Variants in ATCAY observed in about 807,000 individuals in gnomAD.
ATCAY encodes ATCAY kinesin light chain interacting caytaxin.
ATCAY carries 22 observed loss-of-function variants against 47.7 expected under a neutral mutation model. The observed-to-expected ratio is 0.46, with a 90% CI of 0.33 to 0.66. The LOEUF is 0.66. ATCAY is among the 30% of genes least tolerant of loss of function. The pLI, the probability that ATCAY is intolerant of heterozygous loss-of-function variation, is 0.02. For synonymous variants in ATCAY, 216 were observed against 207.6 expected (o/e 1.04, Z -0.35); for missense variants, 452 against 515.0 (o/e 0.88, Z 1.18).
At chr19:3,917,610 A>AAAAAAAG (rs368009492) in intron 9 of ATCAY, 132 bp from the exon 10 acceptor site, 8 of 501,988 alleles carry the variant, frequency 1.6e-5, no homozygotes, top group East Asian at 4.6e-5. Flanking sequence ...AAAAAAAAAA[A>AAAAAAAG]GGAAGAAGAA....
rs114202891 is a variant in ATCAY, at chr19:3,922,336, G to A, written c.1106+1538G>A. On this transcript the variant is annotated intron_variant, in intron 12 of 12. Coordinates refer to ENST00000450849, the MANE Select transcript of ATCAY (RefSeq NM_033064.5). ...AGTTCTGCATGGCTGGGGAGGCCCC[G>A]GGAAATTTATAATCCTGGCGGAAGC... 4.6e-3 allele frequency: 2,933 copies of A among 632,990 alleles called. 60 individuals are homozygous for A. Among genetic ancestry groups the A allele is most frequent in the African/African-American group, 0.045 (2,496 of 54,960 alleles). The allele number at this position is 632,990 out of a possible 1,614,324, so 39.2% of individuals were successfully genotyped here.
At chr19:3,892,035 G>A (rs1191596130) in intron 2 of ATCAY, among the ~76,000 whole-genome samples, 3 of 151,496 alleles carry the variant, frequency 2.0e-5, no homozygotes, top group Middle Eastern at 3.2e-3. Context: ...GTTTACAGGC[G>A]CCCACCACCA....
chr19:3,924,154 G>A (rs573804636), intron 12 of ATCAY, among the ~76,000 whole-genome samples: 24 of 151,304 alleles, frequency 1.6e-4, no homozygotes, highest in African/African-American at 4.1e-4. Context: ...GTGGATGGAC[G>A]GATGAGTGAG....
rs1195013984 is a variant in ATCAY at position 3,927,691 on chromosome 19, C to T, written c.*3099C>T. 1 of 152,330 alleles carries T rather than the reference C, an allele frequency of 6.6e-6. No homozygotes were observed. Among genetic ancestry groups the T allele is most frequent in the East Asian group, 1.9e-4 (1 of 5,196 alleles). The allele number at this position is 152,330 out of a possible 1,614,324, so 9.4% of individuals were successfully genotyped here. ...CTCAGCCCCAGCGGACCCTCCAGAG[C>T]AAAAGAGGCCCCCGGCGAGGCCACC... On this transcript the variant is annotated 3_prime_UTR_variant, in exon 13 of 13. Transcript: ENST00000450849.
chr19:3,897,553 C>T (rs2038780491), intron 2 of ATCAY, among the ~76,000 whole-genome samples: 1 of 151,866 alleles, frequency 6.6e-6, no homozygotes, highest in South Asian at 2.1e-4. Context: ...CCTCAGCCTC[C>T]CAAAGTGCTG....
chr19:3,894,377 G>T (rs904041082), intron 2 of ATCAY, among the ~76,000 whole-genome samples: 6 of 151,250 alleles, frequency 4.0e-5, no homozygotes, highest in Non-Finnish European at 7.4e-5. Flanking sequence ...CCAGCTACTC[G>T]GGAGGCTGAG....
chr19:3,898,950 G>A (rs1050360252), intron 2 of ATCAY, among the ~76,000 whole-genome samples: 4 of 152,202 alleles, frequency 2.6e-5, no homozygotes, highest in African/African-American at 9.6e-5. Flanking sequence ...AAAGTGCCAG[G>A]ATGACAGGCG....
intron 2 of ATCAY, among the ~76,000 whole-genome samples, chr19:3,886,175 G>A (rs780243199): frequency 2.0e-5 from 3 of 152,204 alleles, no homozygotes; most frequent in African/African-American, 7.2e-5. Flanking sequence ...CTGGCTGGGC[G>A]CGGCGGTTCA....
At chr19:3,891,186 G>A (rs182119336) in intron 2 of ATCAY, among the ~76,000 whole-genome samples, 1,635 of 152,000 alleles carry the variant, frequency 0.011, 100 homozygotes, top group Admixed American at 0.098. Flanking sequence ...CAAGTAGCTG[G>A]GATTACAGGT....
At chr19:3,921,383 G>A (rs1325923807) in intron 12 of ATCAY, among the ~76,000 whole-genome samples, 3 of 150,930 alleles carry the variant, frequency 2.0e-5, no homozygotes, top group African/African-American at 4.9e-5. Flanking sequence ...AGCCAAGATC[G>A]TACCACTGCA....
intron 3 of ATCAY, among the ~76,000 whole-genome samples, chr19:3,903,879 C>T (rs914439297): frequency 2.0e-5 from 3 of 150,588 alleles, no homozygotes; most frequent in African/African-American, 7.3e-5. Context: ...TGGCTCACGC[C>T]TGTAATCCCA....
At chr19:3,906,396 G>A (rs1488130161) in intron 4 of ATCAY, among the ~76,000 whole-genome samples, 1 of 148,746 alleles carries the variant, frequency 6.7e-6, no homozygotes, top group Admixed American at 6.8e-5. Context: ...TCCACCTCCC[G>A]GGTTCAAGCG....
In ATCAY at chr19:3,908,342, T is replaced by C. The variant is rs2038884804; in HGVS notation, c.619T>C (p.Tyr207His). The stretch of plus-strand genomic sequence containing the variant: ...CCTTCCAGACAGCAGCCTCCCCGAC[T>C]ACCACTACATCATGGAGAACCTCTT... ...CFLPDSSLPD[Y>H]HYIMENLFLY... Residue 207 changes from tyrosine (Y) to histidine (H), a missense_variant, in exon 6 of 13, where the codon TAC becomes CAC. Physicochemically the swap from Tyr to His is moderately conservative, Grantham distance 83. Coordinates refer to ENST00000450849, the MANE Select transcript of ATCAY (RefSeq NM_033064.5). The C allele has an allele frequency of 3.1e-6, 5 of 1,593,370 alleles. No homozygotes were observed. The South Asian group carries it at 4.6e-5, about 15-fold the overall frequency.
intron 2 of ATCAY, among the ~76,000 whole-genome samples, chr19:3,901,725 G>A (rs1470021901): frequency 2.0e-5 from 3 of 152,114 alleles, no homozygotes; most frequent in East Asian, 1.9e-4. Context: ...GGGCGGGCGC[G>A]GTGGCTCATG....
chr19:3,907,605 GT>G lies in ATCAY; in HGVS notation c.359-128del. 8.8e-7 allele frequency: 1 copy of G among 1,135,822 alleles called. No homozygotes were observed. The highest frequency in any genetic ancestry group is 1.3e-6 in the Non-Finnish European group (1 of 796,768). 70.4% of individuals were successfully genotyped at this position (1,135,822 alleles called of 1,614,324 possible). Reference sequence around the variant, plus strand: ...GAAAATGGGTCAGCAGGGCAGCCAGGTGGGGAGAAGCGAAGGACTTGTGGGT... The same window carrying G: ...GAAAATGGGTCAGCAGGGCAGCCAGGGGGGAGAAGCGAAGGACTTGTGGGT... On this transcript the variant is annotated intron_variant, in intron 4 of 12. Transcript: ENST00000450849. This position sits in a 1 kb window ranked among gnomAD's most constrained non-coding sequence, Gnocchi z 5.1.
At chr19:3,909,702 C>T in intron 7 of ATCAY, 85 bp downstream of exon 7, 1 of 1,522,552 alleles carries the variant, frequency 6.6e-7, no homozygotes, top group Non-Finnish European at 8.8e-7. Context: ...CCTGGAATCC[C>T]AGCACTTCGG....
chr19:3,923,389 G>A (rs1290708672), intron 12 of ATCAY, among the ~76,000 whole-genome samples: 1 of 152,110 alleles, frequency 6.6e-6, no homozygotes, highest in Non-Finnish European at 1.5e-5. Flanking sequence ...ACAAAAGAAG[G>A]AATTGTAAGA....
chr19:3,908,721 C>T, intron 6 of ATCAY, among the ~76,000 whole-genome samples: 1 of 114,264 alleles, frequency 8.8e-6, no homozygotes, highest in South Asian at 3.8e-4. Context: ...TTCTCCTCCT[C>T]CTCCCCTTCC....
In ATCAY at chr19:3,922,640, A is replaced by G. The variant is rs148277245; in HGVS notation, c.1106+1842A>G. 4.1e-3 allele frequency among the ~76,000 whole-genome samples: 620 copies of G among 152,370 alleles called. 2 individuals carry two copies. The highest frequency in any genetic ancestry group is 0.014 in the African/African-American group (584 of 41,594). ...TAGACACTCCAGCCAGGATGCTCCA[A>G]GAGTTTAGAAGTTAATCCCAGGAGC... On this transcript the variant is annotated intron_variant, in intron 12 of 12. Transcript: ENST00000450849.
Sources: allele counts gnomAD v4.1 joint callset (sites outside exome capture counted in the v4.1 genomes callset), GRCh38; gene constraint gnomAD v4.1.1; non-coding constraint Gnocchi (gnomAD v3.1); transcripts MANE v1.5; gene names NCBI Gene and HGNC (gene_info 2026-07-23, HGNC 2026-07-21).